Variants in RHPN2 observed in about 807,000 individuals in gnomAD.
RHPN2 encodes the protein rhophilin Rho GTPase binding protein 2, also known as rhophilin-2.
A neutral mutation model predicts 79.0 loss-of-function variants in RHPN2; 40 were observed. That is an observed-to-expected ratio of 0.51 (90% CI 0.39 to 0.66). The LOEUF is 0.66. Ranked by LOEUF, RHPN2 falls within the 30% of genes least tolerant of loss-of-function variation. The pLI, the probability that RHPN2 is intolerant of heterozygous loss-of-function variation, is 0.00. For missense variants in RHPN2, 686 were observed against 883.5 expected (o/e 0.78, Z 2.83); for synonymous variants, 285 against 363.5 (o/e 0.78, Z 2.46).
At chr19:33,044,126 G>T in intron 2 of RHPN2, 123 bp downstream of exon 2, 1 of 630,858 alleles carries the variant, frequency 1.6e-6, no homozygotes, top group Non-Finnish European at 3.0e-6. Context: ...AGGCAAGAAA[G>T]GGACGACTCC....
chr19:33,044,180 C>A, intron 2 of RHPN2, 69 bp downstream of exon 2: 2 of 1,216,166 alleles, frequency 1.6e-6, no homozygotes, highest in Non-Finnish European at 1.2e-6. Context: ...AAACCAAGAG[C>A]CTGGCCTGGG....
Position 33,044,373 on chromosome 19 carries a change from A to G in RHPN2, c.70-9T>C. On this transcript the variant is annotated splice_polypyrimidine_tract_variant and intron_variant, in intron 1 of 14. Coordinates refer to ENST00000254260, the MANE Select transcript of RHPN2 (RefSeq NM_033103.5). Reference sequence around the variant, plus strand: ...GCAAGGGGATTACAGCCCTGAGGAAAAATAAGAGATGCCCCTTCAGAGGTC... The same window carrying G: ...GCAAGGGGATTACAGCCCTGAGGAAGAATAAGAGATGCCCCTTCAGAGGTC... The G allele has an allele frequency of 6.3e-7, 1 of 1,597,378 alleles. No individual in the cohort carries two copies. The highest frequency in any genetic ancestry group is 2.2e-5 in the East Asian group (1 of 44,820).
At chr19:32,993,622 T>C (rs1244734838) in intron 12 of RHPN2, among the ~76,000 whole-genome samples, 4 of 152,092 alleles carry the variant, frequency 2.6e-5, no homozygotes, top group Non-Finnish European at 5.9e-5. Context: ...TCAATGTAAT[T>C]ATTAGGAAGT....
intron 1 of RHPN2, among the ~76,000 whole-genome samples, chr19:33,047,833 G>C (rs1972154099): frequency 6.6e-6 from 1 of 152,120 alleles, no homozygotes; most frequent in South Asian, 2.1e-4. Flanking sequence ...GATCGCTTGA[G>C]GCCAGGAGTT....
intron 2 of RHPN2, among the ~76,000 whole-genome samples, chr19:33,033,874 G>GA (rs1351028985): frequency 1.3e-5 from 2 of 151,448 alleles, no homozygotes. Context: ...TCTCAAAAAA[G>GA]AAAAAATAAA....
chr19:32,999,735 T>G, intron 9 of RHPN2, 30 bp from the exon 10 acceptor site: 3 of 1,606,400 alleles, frequency 1.9e-6, no homozygotes, highest in Non-Finnish European at 2.6e-6. Context: ...TTAAATCCCC[T>G]CTCATGGACC....
chr19:33,030,197 G>A (rs1971999961), intron 2 of RHPN2, among the ~76,000 whole-genome samples: 1 of 152,080 alleles, frequency 6.6e-6, no homozygotes. Flanking sequence ...CCACACACAC[G>A]CACATTTGGA....
chr19:33,012,034 CCTT>C (rs1403830015), intron 5 of RHPN2, among the ~76,000 whole-genome samples: 2 of 141,774 alleles, frequency 1.4e-5, no homozygotes, highest in Non-Finnish European at 3.0e-5. Context: ...CTATGGTTTT[CCTT>C]CTTTTTTTTT....
intron 2 of RHPN2, among the ~76,000 whole-genome samples, chr19:33,031,720 C>T (rs998901840): frequency 4.0e-5 from 6 of 151,850 alleles, no homozygotes; most frequent in African/African-American, 7.3e-5. Context: ...GAGATGGAGT[C>T]GCCCAGGCTG....
chr19:32,994,396 G>GA (rs56180174), intron 11 of RHPN2, among the ~76,000 whole-genome samples: 4 of 151,136 alleles, frequency 2.6e-5, no homozygotes, highest in East Asian at 3.9e-4. Context: ...ACTCCGGGGG[G>GA]AAAAAAAAAG....
At chr19:33,004,713 A>G (rs1403799474) in intron 7 of RHPN2, among the ~76,000 whole-genome samples, 1 of 151,574 alleles carries the variant, frequency 6.6e-6, no homozygotes, top group Non-Finnish European at 1.5e-5. Flanking sequence ...CAGCCTCCCA[A>G]GTAGCAGGGA....
chr19:33,011,033 G>A (rs1232749952), intron 6 of RHPN2, among the ~76,000 whole-genome samples: 5 of 152,196 alleles, frequency 3.3e-5, no homozygotes, highest in East Asian at 1.9e-4. Context: ...TTGGGTCTAC[G>A]GCCATACCAC....
intron 3 of RHPN2, among the ~76,000 whole-genome samples, chr19:33,023,257 A>G (rs1042311321): frequency 3.9e-5 from 6 of 151,998 alleles, no homozygotes; most frequent in African/African-American, 1.5e-4. Context: ...CAACATGGTA[A>G]AACCCCGTCT....
At chr19:32,991,774 T>C (rs1419523820) in intron 13 of RHPN2, 49 bp downstream of exon 13, 5 of 1,613,196 alleles carry the variant, frequency 3.1e-6, no homozygotes, top group Non-Finnish European at 4.2e-6. Context: ...CTAAATTCAA[T>C]CACCCAGATA....
At position 32,991,822 on chromosome 19, in the gene RHPN2, C is replaced by A; in HGVS notation, c.1644+1G>T. The A allele has an allele frequency of 6.2e-7, 1 of 1,613,956 alleles. No homozygotes were observed. The highest frequency in any genetic ancestry group is 1.1e-5 in the South Asian group (1 of 91,082). On this transcript the variant is annotated splice_donor_variant, in intron 13 of 14. Transcript: ENST00000254260. LOFTEE classifies it high-confidence loss of function. ...GCCAATCAAGAAAAGCATGTGCTTA[C>A]CGAGGCAGAGCAGTAAGGATCCAGG...
chr19:32,987,869 C>T (rs767708191), intron 14 of RHPN2, among the ~76,000 whole-genome samples: 3 of 152,100 alleles, frequency 2.0e-5, no homozygotes, highest in Non-Finnish European at 2.9e-5. Context: ...CTCCCTCACA[C>T]CCATTACCCA....
At position 32,994,025 on chromosome 19, in the gene RHPN2, T is replaced by C; in HGVS notation, c.1449A>G (p.Ile483Met). 1 of 1,613,078 alleles carries C rather than the reference T, an allele frequency of 6.2e-7. No homozygotes were observed. Among genetic ancestry groups the C allele is most frequent in the Non-Finnish European group, 8.5e-7 (1 of 1,179,186 alleles). Residue 483 changes from isoleucine (I) to methionine (M), a missense_variant, in exon 12 of 15, where the codon ATA (isoleucine) becomes ATG (methionine). Ile to Met is a conservative substitution (Grantham distance 10). Coordinates refer to ENST00000254260, the MANE Select transcript of RHPN2 (RefSeq NM_033103.5). ...VAKTEQEVDI[I>M]LPQFSKLTVT... is the part of the protein sequence containing the mutation. ...CTGTCAGCTTGGAGAACTGGGGCAA[T>C]ATAATGTCAACCTCTTGCTCAGTTT...
chr19:33,028,074 T>C (rs1002308960), intron 2 of RHPN2, among the ~76,000 whole-genome samples: 11 of 151,788 alleles, frequency 7.2e-5, no homozygotes, highest in African/African-American at 2.4e-4. Flanking sequence ...ATATAGAAAA[T>C]CCTAAGGCAT....
chr19:32,987,491 T>G (rs1368061086), intron 14 of RHPN2, among the ~76,000 whole-genome samples: 1 of 152,132 alleles, frequency 6.6e-6, no homozygotes, highest in African/African-American at 2.4e-5. Context: ...GCGACCTCAT[T>G]CTCCACCACT....
Sources: gnomAD v4.1 joint callset for allele counts (sites outside exome capture counted in the v4.1 genomes callset) on GRCh38, gnomAD v4.1.1 for gene constraint, MANE v1.5 for transcripts, NCBI Gene and HGNC (gene_info 2026-07-23, HGNC 2026-07-21) for gene names.